The following CMIP variants were observed in gnomAD, a reference collection of about 807,000 sequenced individuals.
CMIP encodes the protein C-Maf-inducing protein.
Under a neutral mutation model 97.3 loss-of-function variants are expected in CMIP, and 13 were observed. The ratio of observed to expected loss-of-function variants is 0.13; its 90% CI spans 0.09 to 0.21. The LOEUF is 0.21. CMIP is among the 10% of genes least tolerant of loss of function. The pLI, the probability that CMIP is intolerant of heterozygous loss-of-function variation, is 1.00. For synonymous variants in CMIP, 538 were observed against 436.3 expected (o/e 1.23, Z -2.91); for missense variants, 847 against 1,024.9 (o/e 0.83, Z 2.37).
intron 16 of CMIP, 69 bp from the exon 17 acceptor site, chr16:81,702,553 C>T (rs1188171537): frequency 6.9e-7 from 1 of 1,444,810 alleles, no homozygotes; most frequent in Non-Finnish European, 9.6e-7. Context: ...GTGTTGTTAA[C>T]AGAGGTGGAA....
intron 1 of CMIP, among the ~76,000 whole-genome samples, chr16:81,500,004 C>G (rs1309685182): frequency 6.6e-6 from 1 of 152,210 alleles, no homozygotes; most frequent in Non-Finnish European, 1.5e-5. Flanking sequence ...TGGAGGAGCC[C>G]TTTCTTCCTT....
intron 1 of CMIP, among the ~76,000 whole-genome samples, chr16:81,583,643 C>T (rs1036678968): frequency 1.3e-5 from 2 of 152,180 alleles, no homozygotes; most frequent in African/African-American, 4.8e-5. Flanking sequence ...TCAGCCCCAA[C>T]CGAGGCTTAT....
chr16:81,526,297 A>T (rs752144445), intron 1 of CMIP, among the ~76,000 whole-genome samples: 3 of 152,216 alleles, frequency 2.0e-5, no homozygotes, highest in Non-Finnish European at 2.9e-5. Flanking sequence ...TAAAAAAGAC[A>T]TCTTTATGGT....
intron 1 of CMIP, among the ~76,000 whole-genome samples, chr16:81,501,696 C>G (rs1393733792): frequency 6.7e-6 from 1 of 150,358 alleles, no homozygotes; most frequent in South Asian, 2.1e-4. Flanking sequence ...ACTGCAACTT[C>G]TGCTTCCCAG....
rs1479210076 is a variant in CMIP at position 81,614,567 on chromosome 16, A to G, written c.427-6309A>G. ...CCAGTGGAAATGTGGCAGTGGAGGAAAGGTTGGGTTAGACCTGGGTCCTTA... is the reference window on the plus strand; with the variant it reads ...CCAGTGGAAATGTGGCAGTGGAGGAGAGGTTGGGTTAGACCTGGGTCCTTA... On this transcript the variant is annotated intron_variant, in intron 2 of 20. Coordinates refer to ENST00000537098, the MANE Select transcript of CMIP (RefSeq NM_198390.3). This position sits in a 1 kb window ranked among gnomAD's most constrained non-coding sequence, Gnocchi z 5.3. Among the ~76,000 whole-genome samples, 5 of 151,968 alleles carry G rather than the reference A, an allele frequency of 3.3e-5. No homozygotes were observed. The highest frequency in any genetic ancestry group is 7.4e-5 in the Non-Finnish European group (5 of 67,974).
In CMIP at chr16:81,670,223, G is replaced by T. The variant is rs868737702; in HGVS notation, c.907G>T (p.Val303Leu). 3.1e-6 allele frequency: 5 copies of T among 1,611,186 alleles called. No individual in the cohort carries two copies. In the African/African-American group the frequency reaches 4.0e-5, roughly 13 times the overall value. Residue 303 changes from valine to leucine, a missense_variant, in exon 8 of 21, where the codon GTG (valine) becomes TTG (leucine). By Grantham distance (32) the Val-to-Leu change is conservative. Coordinates refer to ENST00000537098, the MANE Select transcript of CMIP (RefSeq NM_198390.3). The part of the protein sequence containing the change: ...ALNELNAGME[V>L]VKKFIQSMHG... ...GAACGAGCTCAACGCGGGGATGGAAGTGGTGAAGAAGTTCATTCAGAGGTG... is the reference window on the plus strand; with the variant it reads ...GAACGAGCTCAACGCGGGGATGGAATTGGTGAAGAAGTTCATTCAGAGGTG...
intron 1 of CMIP, among the ~76,000 whole-genome samples, chr16:81,530,176 A>C (rs1258197748): frequency 1.3e-5 from 2 of 152,216 alleles, no homozygotes; most frequent in African/African-American, 4.8e-5. Flanking sequence ...TTCAGGATCA[A>C]GGAAAGTCAC....
chr16:81,541,633 T>A (rs920805840), intron 1 of CMIP, among the ~76,000 whole-genome samples: 1 of 152,226 alleles, frequency 6.6e-6, no homozygotes, highest in African/African-American at 2.4e-5. Context: ...AACGGCTGTC[T>A]TTATGAAAGC....
chr16:81,643,611 G>A (rs2092331169), intron 3 of CMIP, among the ~76,000 whole-genome samples: 1 of 152,058 alleles, frequency 6.6e-6, no homozygotes, highest in African/African-American at 2.4e-5. Flanking sequence ...CCAACATGGT[G>A]TGAAACCCCA....
In CMIP at chr16:81,660,951, G is replaced by A. The variant is rs2092538851; in HGVS notation, c.744+5G>A. 1 of 1,613,976 alleles carries A rather than the reference G, an allele frequency of 6.2e-7. No individual in the cohort carries two copies. Among genetic ancestry groups the A allele is most frequent in the Non-Finnish European group, 8.5e-7 (1 of 1,179,888 alleles). ...CTCTGTGAATTCTTTTGCAAGGTAC[G>A]GGATTGCTGAGCTGGGGCTGTGGCT... On this transcript the variant is annotated splice_donor_5th_base_variant and intron_variant, in intron 6 of 20. Coordinates refer to ENST00000537098, the MANE Select transcript of CMIP (RefSeq NM_198390.3).
intron 1 of CMIP, among the ~76,000 whole-genome samples, chr16:81,516,497 C>T (rs1317097597): frequency 2.0e-5 from 3 of 152,180 alleles, no homozygotes; most frequent in African/African-American, 7.2e-5. Flanking sequence ...CTTCCCTGGA[C>T]ACTCTCCCTG....
intron 3 of CMIP, among the ~76,000 whole-genome samples, chr16:81,623,221 A>G (rs1287368917): frequency 6.6e-6 from 1 of 152,118 alleles, no homozygotes. Flanking sequence ...CAAAAATGTT[A>G]AGGTTTGCAT....
In CMIP at chr16:81,652,830, G is replaced by A. The variant is rs1186981988; in HGVS notation, c.639+466G>A. 6.6e-6 allele frequency among the ~76,000 whole-genome samples: 1 copy of A among 152,178 alleles called. No homozygotes were observed. The highest frequency in any genetic ancestry group is 6.5e-5 in the Admixed American group (1 of 15,278). The stretch of plus-strand genomic sequence containing the variant: ...AAAACAATCAGAAAATCCAGCCGCG[G>A]TTTGCAGCTGGTGCTACCTGATGCC... On this transcript the variant is annotated intron_variant, in intron 4 of 20. Coordinates refer to ENST00000537098, the MANE Select transcript of CMIP (RefSeq NM_198390.3). This position sits in a 1 kb window ranked among gnomAD's most constrained non-coding sequence, Gnocchi z 5.2.
chr16:81,546,996 G>A (rs2090559134), intron 1 of CMIP, among the ~76,000 whole-genome samples: 2 of 152,128 alleles, frequency 1.3e-5, no homozygotes, highest in African/African-American at 2.4e-5. Context: ...CCACTCCCCC[G>A]GGAGTGCACA....
chr16:81,676,239 C>T (rs1231064220), intron 9 of CMIP, among the ~76,000 whole-genome samples: 1 of 152,192 alleles, frequency 6.6e-6, no homozygotes, highest in Non-Finnish European at 1.5e-5. Flanking sequence ...CAGCTGATGC[C>T]ATACATTTCC....
chr16:81,652,442 G>A lies in CMIP; in HGVS notation c.639+78G>A, dbSNP rs1047639446. On this transcript the variant is annotated intron_variant, in intron 4 of 20. Coordinates refer to ENST00000537098, the MANE Select transcript of CMIP (RefSeq NM_198390.3). This position sits in a 1 kb window ranked among gnomAD's most constrained non-coding sequence, Gnocchi z 5.2. ...TCACCGGCTCCATGCCAAGCAGCAG[G>A]CGCAGGCAGAGCTCCGTGTGGGCTG... The A allele has an allele frequency of 1.5e-6, 2 of 1,315,600 alleles. No homozygotes were observed. Among genetic ancestry groups the A allele is most frequent in the Non-Finnish European group, 2.1e-6 (2 of 937,302 alleles). The allele number at this position is 1,315,600 out of a possible 1,614,324, so 81.5% of individuals were successfully genotyped here.
chr16:81,534,281 C>T (rs563154539), intron 1 of CMIP, among the ~76,000 whole-genome samples: 2 of 152,330 alleles, frequency 1.3e-5, no homozygotes, highest in East Asian at 1.9e-4. Flanking sequence ...TCCATTAAAC[C>T]TCATTCACTG....
Position 81,652,196 on chromosome 16 carries a change from C to G in CMIP, c.478-7C>G. On this transcript the variant is annotated splice_polypyrimidine_tract_variant and splice_region_variant and intron_variant, in intron 3 of 20. Transcript: ENST00000537098. This position sits in a 1 kb window ranked among gnomAD's most constrained non-coding sequence, Gnocchi z 5.2. ...CATGTTGCTGTCTCTTTATCTCTTTCAACCAGAAAAAGATTTACAAATATA... is the reference window on the plus strand; with the variant it reads ...CATGTTGCTGTCTCTTTATCTCTTTGAACCAGAAAAAGATTTACAAATATA... 2 of 1,609,594 alleles carry G rather than the reference C, an allele frequency of 1.2e-6. No individual in the cohort carries two copies. The highest frequency in any genetic ancestry group is 1.7e-6 in the Non-Finnish European group (2 of 1,176,436).
intron 10 of CMIP, among the ~76,000 whole-genome samples, chr16:81,687,987 A>G (rs958847876): frequency 2.0e-5 from 3 of 152,226 alleles, no homozygotes; most frequent in Non-Finnish European, 2.9e-5. Flanking sequence ...ATGAGCGAAC[A>G]CAAGCAGTGC....
Sources: gnomAD v4.1 joint callset for allele counts (sites outside exome capture counted in the v4.1 genomes callset) on GRCh38, gnomAD v4.1.1 for gene constraint, Gnocchi (gnomAD v3.1) non-coding constraint, MANE v1.5 for transcripts, NCBI Gene and HGNC (gene_info 2026-07-23, HGNC 2026-07-21) for gene names.